The following EMC2 variants were observed in gnomAD, a reference collection of about 807,000 sequenced individuals.
EMC2 encodes TPR repeat protein 35.
In EMC2, 37 loss-of-function variants were observed where a neutral mutation model predicts 51.6. That is an observed-to-expected ratio of 0.72 (90% CI 0.55 to 0.94). The LOEUF (loss-of-function observed/expected upper bound fraction) is 0.94, where lower values mean the gene tolerates loss of function less well. EMC2 is among the 40% of genes least tolerant of loss of function. EMC2 has a pLI of 0.00. For missense variants in EMC2, 359 were observed against 350.9 expected, an observed-to-expected ratio of 1.02 and a Z score of -0.18; for synonymous variants, 131 against 112.4, an observed-to-expected ratio of 1.17 and a Z score of -1.04.
At chr8:108,480,635 C>G (rs2130412749) in intron 10 of EMC2, among the ~76,000 whole-genome samples, 1 of 152,182 alleles carries the variant, frequency 6.6e-6, no homozygotes, top group African/African-American at 2.4e-5. Context: ...GTGTTTCTTC[C>G]TTTTTGTTTT....
At chr8:108,459,719 A>AGTGT (rs1322558485) in intron 5 of EMC2, among the ~76,000 whole-genome samples, 6 of 128,982 alleles carry the variant, frequency 4.7e-5, no homozygotes, top group South Asian at 2.3e-4. Flanking sequence ...AGAGAGAGAG[A>AGTGT]GAGTGTGTGT....
chr8:108,478,966 A>G (rs1563702162), intron 9 of EMC2, 40 bp from the exon 10 acceptor site: 3 of 1,263,388 alleles, frequency 2.4e-6, no homozygotes, highest in East Asian at 5.1e-5. Flanking sequence ...TTGACTAGCA[A>G]AAAAGGAATT....
chr8:108,480,866 C>T (rs770747045), intron 10 of EMC2, among the ~76,000 whole-genome samples: 2 of 152,144 alleles, frequency 1.3e-5, no homozygotes, highest in African/African-American at 4.8e-5. Flanking sequence ...TGTCTAATCT[C>T]ACATTTATGA....
intron 5 of EMC2, among the ~76,000 whole-genome samples, chr8:108,468,996 CTT>C (rs1455699684): frequency 3.3e-5 from 5 of 152,048 alleles, no homozygotes; most frequent in Non-Finnish European, 7.4e-5. Flanking sequence ...GTGGGACCGT[CTT>C]TGCTTTCTGT....
At chr8:108,477,159 G>GA (rs1810962440) in intron 9 of EMC2, among the ~76,000 whole-genome samples, 1 of 151,786 alleles carries the variant, frequency 6.6e-6, no homozygotes, top group Non-Finnish European at 1.5e-5. Flanking sequence ...TGACAGATAG[G>GA]AAGAAAACAT....
At chr8:108,457,518 A>G (rs1819199932) in intron 5 of EMC2, among the ~76,000 whole-genome samples, 2 of 152,198 alleles carry the variant, frequency 1.3e-5, no homozygotes, top group South Asian at 4.1e-4. Flanking sequence ...CCTCACAATC[A>G]TAACAAAAGG....
At chr8:108,448,070 T>C (rs1818923174) in intron 1 of EMC2, among the ~76,000 whole-genome samples, 1 of 151,980 alleles carries the variant, frequency 6.6e-6, no homozygotes, top group Non-Finnish European at 1.5e-5. Context: ...ACAATAGTGG[T>C]GCCTGTGAAG....
chr8:108,481,823 G>C (rs1239355096), intron 10 of EMC2, among the ~76,000 whole-genome samples: 3 of 151,822 alleles, frequency 2.0e-5, no homozygotes, highest in Non-Finnish European at 1.5e-5. Context: ...TTTTTGTCTT[G>C]CATATTTCTA....
In EMC2 at chr8:108,469,816, C is replaced by G. The variant is rs369356984; in HGVS notation, c.364-10C>G. 7.4e-6 allele frequency: 12 copies of G among 1,611,578 alleles called. No homozygotes were observed. Among genetic ancestry groups the G allele is most frequent in the African/African-American group, 1.3e-5 (1 of 74,810 alleles). ...TAAGGGCCTAATCCTTTATTAATGT[C>G]AACCCACAGGCTGCAAGAAAGCGTA... On this transcript the variant is annotated splice_polypyrimidine_tract_variant and intron_variant, in intron 5 of 10. Transcript: ENST00000220853.
chr8:108,482,439 ATTTG>A (rs1489681386), intron 10 of EMC2, among the ~76,000 whole-genome samples: 2 of 152,132 alleles, frequency 1.3e-5, no homozygotes. Context: ...TGCCTCAGTC[ATTTG>A]TTTGTGTTTT....
chr8:108,449,986 C>CTTT, intron 2 of EMC2, 50 bp downstream of exon 2: 6 of 493,496 alleles, frequency 1.2e-5, no homozygotes, highest in South Asian at 4.3e-5. Flanking sequence ...ATTCATGGGC[C>CTTT]TTTTTTTTTT....
intron 1 of EMC2, among the ~76,000 whole-genome samples, chr8:108,447,440 A>C (rs1818904323): frequency 6.6e-6 from 1 of 152,204 alleles, no homozygotes; most frequent in South Asian, 2.1e-4. Flanking sequence ...GAATAATTTA[A>C]AATTTATTAT....
chr8:108,473,373 T>A (rs1489147036), intron 7 of EMC2, among the ~76,000 whole-genome samples: 1 of 152,042 alleles, frequency 6.6e-6, no homozygotes, highest in Non-Finnish European at 1.5e-5. Flanking sequence ...AAGGAAATGC[T>A]CATTGGAGCA....
At chr8:108,465,520 T>C (rs115633549) in intron 5 of EMC2, among the ~76,000 whole-genome samples, 369 of 152,344 alleles carry the variant, frequency 2.4e-3, no homozygotes, top group African/African-American at 8.3e-3. Context: ...GAAAATAGAA[T>C]AGGATCTATG....
chr8:108,456,588 T>A (rs189817544), intron 5 of EMC2, among the ~76,000 whole-genome samples: 1 of 152,264 alleles, frequency 6.6e-6, no homozygotes, highest in East Asian at 1.9e-4. Context: ...TATACATGAA[T>A]AAGAAGAAAC....
chr8:108,481,972 A>G (rs1334168135), intron 10 of EMC2, among the ~76,000 whole-genome samples: 1 of 152,168 alleles, frequency 6.6e-6, no homozygotes, highest in East Asian at 1.9e-4. Context: ...TTTTGAATAA[A>G]CTATACTGAA....
At chr8:108,450,655 T>C (rs574131558) in intron 3 of EMC2, among the ~76,000 whole-genome samples, 163 bp downstream of exon 3, 2 of 152,332 alleles carry the variant, frequency 1.3e-5, no homozygotes, top group South Asian at 2.1e-4. Context: ...AAGTATCTTA[T>C]ATCTTTTTAT....
rs775306720 is a variant in EMC2 at position 108,469,881 on chromosome 8, C to T, written c.419C>T (p.Ala140Val). The T allele has an allele frequency of 6.2e-7, 1 of 1,613,162 alleles. No individual in the cohort carries two copies. The highest frequency in any genetic ancestry group is 8.5e-7 in the Non-Finnish European group (1 of 1,179,390). ...IRKAQGKNVEAIRELNEYLEQ... is the reference protein window; with the variant it reads ...IRKAQGKNVEVIRELNEYLEQ... ...AAAGCCCAGGGGAAAAATGTGGAGG[C>T]CATTCGGGAGCTGAATGAGTATCTG... The change falls in exon 6 of 11, where the codon GCC (alanine) becomes GTC (valine). Residue 140 changes from alanine (A) to valine (V), a missense_variant. Coordinates refer to ENST00000220853, the MANE Select transcript of EMC2 (RefSeq NM_014673.5).
At chr8:108,476,343 A>G (rs2130402149) in intron 8 of EMC2, among the ~76,000 whole-genome samples, 1 of 151,998 alleles carries the variant, frequency 6.6e-6, no homozygotes, top group South Asian at 2.1e-4. Context: ...TTTGCATATT[A>G]TTAAGAATAG....
Sources: allele counts gnomAD v4.1 joint callset (sites outside exome capture counted in the v4.1 genomes callset), GRCh38; gene constraint gnomAD v4.1.1; transcripts MANE v1.5; gene names NCBI Gene and HGNC (gene_info 2026-07-23, HGNC 2026-07-21).